The following WWOX variants were observed in gnomAD, a reference collection of about 807,000 sequenced individuals.
The protein encoded by WWOX is WW domain-containing oxidoreductase.
WWOX carries 69 observed loss-of-function variants against 46.2 expected under a neutral mutation model. The ratio of observed to expected loss-of-function variants is 1.49; its 90% CI spans 1.23 to 1.82. The LOEUF (loss-of-function observed/expected upper bound fraction) is 1.82, where lower values mean the gene tolerates loss of function less well. Ranked by LOEUF, WWOX falls within the 40% of genes most tolerant of loss-of-function variation. WWOX has a pLI of 0.00. For missense variants in WWOX, 919 were observed against 542.6 expected (o/e 1.69, Z -6.89); for synonymous variants, 359 against 202.6 (o/e 1.77, Z -6.56).
chr16:78,549,087 T>C (rs1208190045), intron 8 of WWOX, among the ~76,000 whole-genome samples: 1 of 152,186 alleles, frequency 6.6e-6, no homozygotes, highest in African/African-American at 2.4e-5. Flanking sequence ...GTGAGGAAAA[T>C]AAATCTCAGC....
chr16:78,782,173 C>A (rs996486772), intron 8 of WWOX, among the ~76,000 whole-genome samples: 1 of 152,160 alleles, frequency 6.6e-6, no homozygotes, highest in Non-Finnish European at 1.5e-5. Flanking sequence ...TTGCCATCAC[C>A]TTCACCCTGT....
At chr16:78,597,343 A>G (rs1258202331) in intron 8 of WWOX, among the ~76,000 whole-genome samples, 1 of 152,102 alleles carries the variant, frequency 6.6e-6, no homozygotes, top group Non-Finnish European at 1.5e-5. Context: ...TTGGGGCCAT[A>G]TGCACTGCTG....
At chr16:78,184,302 G>A (rs1357070140) in intron 5 of WWOX, among the ~76,000 whole-genome samples, 6 of 152,052 alleles carry the variant, frequency 3.9e-5, no homozygotes, top group Non-Finnish European at 8.8e-5. Flanking sequence ...GGATGGGGTG[G>A]GCTGGGGTAG....
intron 8 of WWOX, among the ~76,000 whole-genome samples, chr16:78,894,113 A>G (rs1237590710): frequency 9.3e-5 from 14 of 151,104 alleles, no homozygotes; most frequent in Non-Finnish European, 1.9e-4. Flanking sequence ...GTCATGGCTC[A>G]CTGCAGCCTT....
chr16:78,345,315 A>G lies in WWOX; in HGVS notation c.517-41545A>G, dbSNP rs1482713991. On this transcript the variant is annotated intron_variant, in intron 5 of 8. Coordinates refer to ENST00000566780, the MANE Select transcript of WWOX (RefSeq NM_016373.4). ...AAAAGTCACAATTACTTTTGTACCA[A>G]CGTAATAGAATTAAGTAAAATAAGG... Among the ~76,000 whole-genome samples, 6 of 113,770 alleles carry G rather than the reference A, an allele frequency of 5.3e-5. 2 individuals are homozygous for G. Among genetic ancestry groups the G allele is most frequent in the Non-Finnish European group, 1.2e-4 (6 of 48,264 alleles). 74.6% of individuals were successfully genotyped at this position (113,770 alleles called of 152,430 possible).
rs775460117 is a variant in WWOX, at chr16:79,211,673, G to T, written c.1122G>T (p.Met374Ile). 10 of 1,614,238 alleles carry T rather than the reference G, an allele frequency of 6.2e-6. No homozygotes were observed. Among genetic ancestry groups the T allele is most frequent in the Non-Finnish European group, 8.5e-6 (10 of 1,180,040 alleles). The part of the protein sequence containing the change: ...AVPELEGLGG[M>I]YFNNCCRCMP... Reference sequence around the variant, plus strand: ...CAGAACTGGAGGGTCTGGGAGGGATGTACTTCAACAACTGCTGCCGCTGCA... The same window carrying T: ...CAGAACTGGAGGGTCTGGGAGGGATTTACTTCAACAACTGCTGCCGCTGCA... The change falls in exon 9 of 9, where the codon ATG becomes ATT. Residue 374 changes from methionine to isoleucine, a missense_variant. By Grantham distance (10) the Met-to-Ile change is conservative. Transcript: ENST00000566780.
intron 8 of WWOX, among the ~76,000 whole-genome samples, chr16:78,487,102 A>G (rs917187029): frequency 6.6e-6 from 1 of 152,172 alleles, no homozygotes; most frequent in Non-Finnish European, 1.5e-5. Flanking sequence ...TTTTGCCAGA[A>G]GCTATAACGA....
intron 8 of WWOX, among the ~76,000 whole-genome samples, chr16:78,730,817 C>G (rs1156404297): frequency 6.6e-6 from 1 of 151,998 alleles, no homozygotes; most frequent in Non-Finnish European, 1.5e-5. Context: ...TGTGGCTTAT[C>G]ACTTGGAATG....
At chr16:78,367,011 G>A (rs1005985544) in intron 5 of WWOX, among the ~76,000 whole-genome samples, 7 of 112,980 alleles carry the variant, frequency 6.2e-5, no homozygotes, top group Admixed American at 2.6e-4. Flanking sequence ...ACGTAGTCTT[G>A]CTCTGTTGCC....
At chr16:79,097,241 C>T (rs938238636) in intron 8 of WWOX, among the ~76,000 whole-genome samples, 2 of 151,856 alleles carry the variant, frequency 1.3e-5, no homozygotes, top group African/African-American at 4.8e-5. Flanking sequence ...ATAATGACGT[C>T]TTTGATTCCC....
chr16:78,378,678 C>T (rs183091263), intron 5 of WWOX, among the ~76,000 whole-genome samples: 30 of 152,270 alleles, frequency 2.0e-4, no homozygotes, highest in East Asian at 1.7e-3. Context: ...AACATAAAAT[C>T]AGGACTGAGA....
chr16:78,868,578 T>C (rs958049040), intron 8 of WWOX, among the ~76,000 whole-genome samples: 3 of 152,198 alleles, frequency 2.0e-5, no homozygotes, highest in Admixed American at 1.3e-4. Flanking sequence ...TTAAATCAGG[T>C]GACTGAGCCA....
At chr16:78,736,151 G>C (rs556879383) in intron 8 of WWOX, among the ~76,000 whole-genome samples, 28 of 152,210 alleles carry the variant, frequency 1.8e-4, no homozygotes, top group Admixed American at 3.3e-4. Flanking sequence ...GAAGTGAAGA[G>C]AAGATGTGGT....
At chr16:78,400,387 G>C (rs751159681) in intron 6 of WWOX, among the ~76,000 whole-genome samples, 30 of 152,144 alleles carry the variant, frequency 2.0e-4, no homozygotes, top group Non-Finnish European at 4.0e-4. Flanking sequence ...AGACTGACAG[G>C]GCGGTTCCCC....
intron 8 of WWOX, among the ~76,000 whole-genome samples, chr16:78,611,681 A>C (rs1354831137): frequency 3.3e-5 from 5 of 152,252 alleles, no homozygotes; most frequent in Admixed American, 6.5e-5. Flanking sequence ...CAGAACAAAC[A>C]GTTCCAAATA....
chr16:78,958,315 A>G (rs907459236), intron 8 of WWOX, among the ~76,000 whole-genome samples: 1 of 152,210 alleles, frequency 6.6e-6, no homozygotes, highest in African/African-American at 2.4e-5. Context: ...TTACTCTATT[A>G]CTGAAAATTC....
intron 8 of WWOX, chr16:79,196,504 A>G (rs959395412): frequency 6.6e-6 from 1 of 152,126 alleles, no homozygotes; most frequent in African/African-American, 2.4e-5. Flanking sequence ...GGGCAAAAGG[A>G]GAAAATGCTG....
chr16:78,330,194 A>G (rs1055233909), intron 5 of WWOX, among the ~76,000 whole-genome samples: 5 of 152,240 alleles, frequency 3.3e-5, no homozygotes, highest in African/African-American at 1.2e-4. Flanking sequence ...GTTCATTTTT[A>G]TAATTGCTGA....
At chr16:78,289,676 A>G (rs748378664) in intron 5 of WWOX, among the ~76,000 whole-genome samples, 8 of 152,238 alleles carry the variant, frequency 5.3e-5, no homozygotes, top group Non-Finnish European at 1.2e-4. Flanking sequence ...ACAGATTCCA[A>G]TTGTAAAATC....
Sources: allele counts gnomAD v4.1 joint callset (sites outside exome capture counted in the v4.1 genomes callset), GRCh38; gene constraint gnomAD v4.1.1; transcripts MANE v1.5; gene names NCBI Gene and HGNC (gene_info 2026-07-23, HGNC 2026-07-21).